PLPP4: variants seen among roughly 807,000 people sequenced by gnomAD.
PLPP4 encodes phospholipid phosphatase 4, also known as diacylglycerol pyrophosphate like 2.
Under a neutral mutation model 32.2 loss-of-function variants are expected in PLPP4, and 20 were observed. The observed-to-expected ratio is 0.62, with a 90% CI of 0.44 to 0.90. The LOEUF (loss-of-function observed/expected upper bound fraction) is 0.90. Ranked by LOEUF, PLPP4 falls within the 40% of genes least tolerant of loss-of-function variation. The pLI is 0.00. For missense variants in PLPP4, 257 were observed against 353.1 expected (o/e 0.73, Z 2.18); for synonymous variants, 127 against 133.0 (o/e 0.95, Z 0.31).
chr10:120,461,802 A>G lies in PLPP4; in HGVS notation c.56+4441A>G, dbSNP rs184035175. Among the ~76,000 whole-genome samples, 359 of 152,292 alleles carry G rather than the reference A, an allele frequency of 2.4e-3. 3 individuals carry two copies. The highest frequency in any genetic ancestry group is 8.4e-3 in the African/African-American group (349 of 41,552). On this transcript the variant is annotated intron_variant, in intron 1 of 6. Coordinates refer to ENST00000398250, the MANE Select transcript of PLPP4 (RefSeq NM_001030059.3). ...CTTTCATTGTTCATCCACTTGATGG[A>G]TATTTGGCACCTTCTAGGTGCAAGC...
chr10:120,587,530 TTATAGAACTTTTCATGTTTAAC>T (rs1564860774), intron 6 of PLPP4: 1 of 152,240 alleles, frequency 6.6e-6, no homozygotes, highest in East Asian at 1.9e-4. Flanking sequence ...AAGCTATTCA[TTATAGAACTTTTCATGTTTAAC>T]TATTAGCTTC....
chr10:120,504,232 T>A (rs1054008873), intron 2 of PLPP4, among the ~76,000 whole-genome samples: 1 of 152,236 alleles, frequency 6.6e-6, no homozygotes, highest in African/African-American at 2.4e-5. Context: ...GATGGAACAA[T>A]GGCGGGAACA....
At chr10:120,493,803 G>T (rs1478833846) in intron 1 of PLPP4, among the ~76,000 whole-genome samples, 1 of 152,172 alleles carries the variant, frequency 6.6e-6, no homozygotes, top group Non-Finnish European at 1.5e-5. Context: ...CTGGGCAGAT[G>T]AGATCAACGG....
intron 5 of PLPP4, among the ~76,000 whole-genome samples, chr10:120,521,304 A>T (rs912180626): frequency 3.3e-5 from 5 of 152,114 alleles, no homozygotes; most frequent in Non-Finnish European, 7.3e-5. Flanking sequence ...AAAACATTGC[A>T]TGTGTTGCTT....
At chr10:120,534,192 A>G (rs1232302034) in intron 5 of PLPP4, among the ~76,000 whole-genome samples, 2 of 151,676 alleles carry the variant, frequency 1.3e-5, no homozygotes, top group Non-Finnish European at 2.9e-5. Context: ...TTCTCTGGGA[A>G]CATCTTTATT....
intron 5 of PLPP4, among the ~76,000 whole-genome samples, chr10:120,572,599 T>A (rs566413264): frequency 6.6e-6 from 1 of 152,202 alleles, no homozygotes; most frequent in East Asian, 1.9e-4. Context: ...CCAGGGCAGT[T>A]TTTTTTGTGT....
intron 5 of PLPP4, among the ~76,000 whole-genome samples, chr10:120,533,820 T>G (rs1229213041): frequency 3.9e-5 from 6 of 152,176 alleles, no homozygotes; most frequent in Non-Finnish European, 7.4e-5. Flanking sequence ...TCTTTTCATT[T>G]GTTCCTGTGG....
At chr10:120,511,564 G>A (rs1845729547) in intron 2 of PLPP4, among the ~76,000 whole-genome samples, 1 of 152,108 alleles carries the variant, frequency 6.6e-6, no homozygotes, top group South Asian at 2.1e-4. Flanking sequence ...TCCTATTTGG[G>A]AGCACATTGC....
chr10:120,551,704 A>C (rs1032335383), intron 5 of PLPP4, among the ~76,000 whole-genome samples: 4 of 152,148 alleles, frequency 2.6e-5, no homozygotes, highest in Admixed American at 6.5e-5. Context: ...CAAGGGAGGG[A>C]ACTGGCTGGC....
At chr10:120,552,656 C>T (rs944314128) in intron 5 of PLPP4, among the ~76,000 whole-genome samples, 16 of 152,188 alleles carry the variant, frequency 1.1e-4, no homozygotes, top group African/African-American at 2.7e-4. Flanking sequence ...TCTTGACAAG[C>T]GGTTTGGCTG....
chr10:120,463,084 A>G (rs567936194), intron 1 of PLPP4, among the ~76,000 whole-genome samples: 144 of 142,138 alleles, frequency 1.0e-3, no homozygotes, highest in South Asian at 4.7e-3. Context: ...AATGAGTGCA[A>G]TGGTGCGATC....
chr10:120,497,720 AG>A lies in PLPP4; in HGVS notation c.57-6096del, dbSNP rs541669562. 1.9e-3 allele frequency among the ~76,000 whole-genome samples: 286 copies of A among 152,250 alleles called. 2 individuals carry two copies. Among genetic ancestry groups the A allele is most frequent in the African/African-American group, 6.6e-3 (273 of 41,558 alleles). On this transcript the variant is annotated intron_variant, in intron 1 of 6. Transcript: ENST00000398250. ...ATATATAACTGCCCCCACTTTGCCC[AG>A]GAGAAATTAAGATACAAATATATCA...
intron 5 of PLPP4, among the ~76,000 whole-genome samples, chr10:120,568,295 C>T (rs965834908): frequency 1.3e-5 from 2 of 152,248 alleles, no homozygotes; most frequent in African/African-American, 4.8e-5. Flanking sequence ...CTGAGACCCT[C>T]ATGCAAGGCT....
chr10:120,460,376 G>C (rs1847987080), intron 1 of PLPP4, among the ~76,000 whole-genome samples: 2 of 152,158 alleles, frequency 1.3e-5, no homozygotes, highest in Non-Finnish European at 2.9e-5. Flanking sequence ...GCCAAGGCTA[G>C]CAACAGACCT....
intron 2 of PLPP4, 31 bp downstream of exon 2, chr10:120,503,957 C>T: frequency 7.0e-7 from 1 of 1,425,894 alleles, no homozygotes; most frequent in South Asian, 1.2e-5. Flanking sequence ...CCTTATTTGA[C>T]TGCTCTCTCA....
intron 5 of PLPP4, among the ~76,000 whole-genome samples, chr10:120,536,746 TAAAC>T (rs1236224157): frequency 7.3e-6 from 1 of 136,186 alleles, no homozygotes; most frequent in African/African-American, 2.7e-5. Context: ...AAGGAAACAA[TAAAC>T]AAAATGAAAA....
intron 5 of PLPP4, among the ~76,000 whole-genome samples, chr10:120,540,140 C>T (rs571576018): frequency 5.1e-4 from 78 of 151,784 alleles, no homozygotes; most frequent in Non-Finnish European, 1.0e-3. Flanking sequence ...TATTTTCTTC[C>T]AAAAAAGAAG....
intron 5 of PLPP4, among the ~76,000 whole-genome samples, chr10:120,530,381 T>C (rs1846648034): frequency 6.6e-6 from 1 of 152,226 alleles, no homozygotes; most frequent in African/African-American, 2.4e-5. Flanking sequence ...TAGTTTTGCC[T>C]ATTTTAGAAC....
At chr10:120,536,604 G>A (rs1256635860) in intron 5 of PLPP4, among the ~76,000 whole-genome samples, 2 of 139,878 alleles carry the variant, frequency 1.4e-5, no homozygotes, top group Non-Finnish European at 3.0e-5. Flanking sequence ...AAAACATAGG[G>A]AAATAAGATC....
Sources: allele counts gnomAD v4.1 joint callset (sites outside exome capture counted in the v4.1 genomes callset), GRCh38; gene constraint gnomAD v4.1.1; transcripts MANE v1.5; gene names NCBI Gene and HGNC (gene_info 2026-07-23, HGNC 2026-07-21).